Variants in N4BP2L1 observed in about 807,000 individuals in gnomAD.
The protein encoded by N4BP2L1 is NEDD4-binding protein 2-like 1.
In N4BP2L1, 12 loss-of-function variants were observed where a neutral mutation model predicts 21.2. The ratio of observed to expected loss-of-function variants is 0.57; its 90% CI spans 0.36 to 0.92. The LOEUF (loss-of-function observed/expected upper bound fraction) is 0.92, where lower values mean the gene tolerates loss of function less well. N4BP2L1 is among the 40% of genes least tolerant of loss of function. The probability of loss-of-function intolerance (pLI) is 0.01; values close to 1 mark genes in which losing one functional copy is unlikely to be tolerated. For synonymous variants in N4BP2L1, 104 were observed against 112.8 expected (o/e 0.92, Z 0.49); for missense variants, 259 against 310.6 (o/e 0.83, Z 1.25).
intron 1 of N4BP2L1, among the ~76,000 whole-genome samples, chr13:32,413,876 C>CTTTT (rs57796470): frequency 3.9e-4 from 38 of 98,592 alleles, no homozygotes; most frequent in African/African-American, 4.1e-4. Flanking sequence ...TTGCACCAAG[C>CTTTT]TTTTTTTTTT....
chr13:32,412,727 C>T (rs1443889916), intron 1 of N4BP2L1, among the ~76,000 whole-genome samples: 2 of 150,934 alleles, frequency 1.3e-5, no homozygotes, highest in African/African-American at 4.9e-5. Context: ...AGAATAAGAA[C>T]AATTCCCTGC....
intron 1 of N4BP2L1, among the ~76,000 whole-genome samples, chr13:32,408,471 A>C (rs2073659097): frequency 6.6e-6 from 1 of 152,170 alleles, no homozygotes; most frequent in Non-Finnish European, 1.5e-5. Flanking sequence ...AAACACCACC[A>C]TGGAGCTCCC....
chr13:32,412,109 C>T (rs138921401), intron 1 of N4BP2L1, among the ~76,000 whole-genome samples: 1 of 151,998 alleles, frequency 6.6e-6, no homozygotes, highest in African/African-American at 2.4e-5. Flanking sequence ...TATTTGGTTG[C>T]CATGTCCCTT....
In N4BP2L1 at chr13:32,402,578, AAAAT is replaced by A. The variant is rs988836733; in HGVS notation, c.*360_*363del. Reference sequence around the variant, plus strand: ...TACCGATGGAGATGAATTTCCTGAAAAAATAAATAGATCACTTCAGAGCAAATGG... The same window carrying A: ...TACCGATGGAGATGAATTTCCTGAAAAAATAGATCACTTCAGAGCAAATGG... On this transcript the variant is annotated 3_prime_UTR_variant, in exon 5 of 5. Coordinates refer to ENST00000380130, the MANE Select transcript of N4BP2L1 (RefSeq NM_052818.3). The A allele has an allele frequency of 1.7e-5, 17 of 995,834 alleles. No individual in the cohort carries two copies. Among genetic ancestry groups the A allele is most frequent in the Admixed American group, 6.0e-5 (1 of 16,710 alleles). 61.7% of individuals were successfully genotyped at this position (995,834 alleles called of 1,614,324 possible).
chr13:32,406,287 T>C (rs1054885251), intron 3 of N4BP2L1, among the ~76,000 whole-genome samples: 1 of 152,010 alleles, frequency 6.6e-6, no homozygotes, highest in Non-Finnish European at 1.5e-5. Context: ...TCACAAGAGA[T>C]GGAATATGTA....
rs2073228216 is a variant in N4BP2L1, at chr13:32,402,904, T to A, written c.*38A>T. 4 of 1,520,156 alleles carry A rather than the reference T, an allele frequency of 2.6e-6. No homozygotes were observed. Among genetic ancestry groups the A allele is most frequent in the African/African-American group, 1.4e-5 (1 of 71,828 alleles). 94.2% of individuals were successfully genotyped at this position (1,520,156 alleles called of 1,614,324 possible). A position where few individuals can be genotyped will look rare whatever the true frequency, so the allele number is the denominator to read the frequency against. ...AAATAACAAAAACTGAAGTAGAAAC[T>A]GACTTAGGAAAATTCTGCCTGGCTG... On this transcript the variant is annotated 3_prime_UTR_variant, in exon 5 of 5. Coordinates refer to ENST00000380130, the MANE Select transcript of N4BP2L1 (RefSeq NM_052818.3).
In N4BP2L1 at chr13:32,402,730, C is replaced by T. The variant is rs888100648; in HGVS notation, c.*212G>A. On this transcript the variant is annotated 3_prime_UTR_variant, in exon 5 of 5. Transcript: ENST00000380130. ...ACCCTAGAGAAAGAGACTGTTTACT[C>T]AAATCTGCAGAATTCCCAGCATCAG... 1.5e-6 allele frequency: 2 copies of T among 1,336,712 alleles called. No homozygotes were observed. Among genetic ancestry groups the T allele is most frequent in the African/African-American group, 3.0e-5 (2 of 67,708 alleles). 82.8% of individuals were successfully genotyped at this position (1,336,712 alleles called of 1,614,324 possible).
chr13:32,407,437 C>A, intron 2 of N4BP2L1, 99 bp from the exon 3 acceptor site: 1 of 1,598,176 alleles, frequency 6.3e-7, no homozygotes, highest in South Asian at 1.1e-5. Flanking sequence ...ATGCCCTCAT[C>A]TCCTCATCAC....
intron 1 of N4BP2L1, among the ~76,000 whole-genome samples, chr13:32,427,576 G>A (rs1031552937): frequency 4.6e-5 from 7 of 152,328 alleles, no homozygotes; most frequent in African/African-American, 1.7e-4. Context: ...GAAGGGGCCG[G>A]GGCCGCTGGG....
At chr13:32,419,367 T>C in intron 1 of N4BP2L1, 2 of 425,084 alleles carry the variant, frequency 4.7e-6, no homozygotes, top group South Asian at 1.7e-5. Flanking sequence ...TGCCTCAGCC[T>C]CTTGACTAGC....
chr13:32,420,556 C>T (rs894789686), intron 1 of N4BP2L1: 2 of 152,092 alleles, frequency 1.3e-5, no homozygotes, highest in African/African-American at 2.4e-5. Flanking sequence ...GTAAAGGAGC[C>T]GGCACATCAA....
chr13:32,410,202 G>C (rs950189885), intron 1 of N4BP2L1, among the ~76,000 whole-genome samples: 3 of 152,246 alleles, frequency 2.0e-5, no homozygotes, highest in African/African-American at 7.2e-5. Context: ...ACCTGACTAC[G>C]TGGGGCTGGG....
intron 1 of N4BP2L1, among the ~76,000 whole-genome samples, chr13:32,423,214 T>C (rs1224548655): frequency 2.0e-5 from 3 of 152,212 alleles, no homozygotes; most frequent in Non-Finnish European, 4.4e-5. Flanking sequence ...CAAGGCTCTA[T>C]AATGAAAAGA....
At chr13:32,421,107 C>G (rs554359626) in intron 1 of N4BP2L1, among the ~76,000 whole-genome samples, 2 of 152,204 alleles carry the variant, frequency 1.3e-5, no homozygotes, top group Non-Finnish European at 2.9e-5. Context: ...TCTCACATTG[C>G]GTTTCATGAA....
intron 1 of N4BP2L1, chr13:32,411,670 C>T: frequency 1.0e-6 from 1 of 985,202 alleles, no homozygotes; most frequent in Non-Finnish European, 1.2e-6. Flanking sequence ...ATAACCTTCA[C>T]CTCCCACAAC....
chr13:32,422,290 C>G (rs554389455), intron 1 of N4BP2L1, among the ~76,000 whole-genome samples: 1 of 152,058 alleles, frequency 6.6e-6, no homozygotes, highest in African/African-American at 2.4e-5. Context: ...CAGATCAAAA[C>G]CAAACTCATT....
rs748884668 is a variant in N4BP2L1, at chr13:32,428,018, C to CGCTGCTGCT, written c.56_64dup (p.Gln19_Gln21dup). 20 of 1,559,146 alleles carry CGCTGCTGCT rather than the reference C, an allele frequency of 1.3e-5. No homozygotes were observed. Among genetic ancestry groups the CGCTGCTGCT allele is most frequent in the East Asian group, 7.5e-5 (3 of 39,758 alleles). On this transcript the variant is annotated inframe_insertion, in exon 1 of 5. Transcript: ENST00000380130. The stretch of plus-strand genomic sequence containing the variant: ...CGGGGGCGGCCGGGGCGGCCGCTGC[C>CGCTGCTGCT]GCTGCTGCTGCTGCTGGGGCTGGAG...
At chr13:32,410,245 T>C (rs1298442917) in intron 1 of N4BP2L1, among the ~76,000 whole-genome samples, 1 of 152,222 alleles carries the variant, frequency 6.6e-6, no homozygotes, top group Non-Finnish European at 1.5e-5. Context: ...TTCACACGTC[T>C]GGTGGTGCTG....
rs1331385192 is a variant in N4BP2L1, at chr13:32,402,970, C to G, written c.704G>C (p.Arg235Thr). The G allele has an allele frequency of 1.2e-6, 2 of 1,611,218 alleles. No individual in the cohort carries two copies. Among genetic ancestry groups the G allele is most frequent in the Non-Finnish European group, 1.7e-6 (2 of 1,178,120 alleles). The stretch of plus-strand genomic sequence containing the variant: ...ATATCCATGGTGACAACCGCCCCTT[C>G]TGTGATAGGAGCTCTCATTTGTAAA... ...GGFTNESSYH[R>T]RGGCHHGY The change falls in exon 5 of 5, where the codon AGA (arginine) becomes ACA (threonine). Residue 235 changes from arginine (R) to threonine (T), a missense_variant. Physicochemically the swap from Arg to Thr is moderately conservative, Grantham distance 71 (BLOSUM62 -1). Coordinates refer to ENST00000380130, the MANE Select transcript of N4BP2L1 (RefSeq NM_052818.3).
Sources: gnomAD v4.1 joint callset for allele counts (sites outside exome capture counted in the v4.1 genomes callset) on GRCh38, gnomAD v4.1.1 for gene constraint, MANE v1.5 for transcripts, NCBI Gene and HGNC (gene_info 2026-07-23, HGNC 2026-07-21) for gene names.